Variants in EXOC4 observed in about 807,000 individuals in gnomAD.
EXOC4 encodes the protein exocyst complex component 4.
A neutral mutation model predicts 107.2 loss-of-function variants in EXOC4; 71 were observed. The ratio of observed to expected loss-of-function variants is 0.66; its 90% confidence interval spans 0.55 to 0.81. The LOEUF (loss-of-function observed/expected upper bound fraction) is 0.81, where lower values mean the gene tolerates loss of function less well. Ranked by LOEUF, EXOC4 falls within the 30% of genes least tolerant of loss-of-function variation. The pLI is 0.00. For missense variants in EXOC4, 1,108 were observed against 1,189.6 expected (o/e 0.93, Z 1.01); for synonymous variants, 456 against 441.2 (o/e 1.03, Z -0.42).
chr7:134,005,764 T>A (rs2116332236), intron 16 of EXOC4, among the ~76,000 whole-genome samples: 1 of 152,342 alleles, frequency 6.6e-6, no homozygotes, highest in Non-Finnish European at 1.5e-5. Flanking sequence ...AAAACTTGTA[T>A]CTGTGTTCTC....
At chr7:133,467,321 C>A (rs773108276) in intron 7 of EXOC4, among the ~76,000 whole-genome samples, 1 of 150,322 alleles carries the variant, frequency 6.7e-6, no homozygotes, top group African/African-American at 2.4e-5. Context: ...AATCTTATTG[C>A]CACTGCTTTA....
At chr7:133,595,464 G>A (rs934679261) in intron 9 of EXOC4, among the ~76,000 whole-genome samples, 8 of 152,128 alleles carry the variant, frequency 5.3e-5, no homozygotes, top group African/African-American at 1.9e-4. Flanking sequence ...CATTAGATTA[G>A]CATCTGCTTT....
intron 11 of EXOC4, among the ~76,000 whole-genome samples, chr7:133,840,638 A>G (rs1441506215): frequency 6.6e-6 from 1 of 151,898 alleles, no homozygotes; most frequent in Non-Finnish European, 1.5e-5. Context: ...ACGCTCCACC[A>G]CACCTGGCTA....
In EXOC4 at chr7:133,365,271, G is replaced by A. The variant is rs150036709; in HGVS notation, c.1007+8698G>A. ...ATATGCACCTAAAATCTTAACTTTTGTTATCCCTGGGAAGTGGATTTATGG... is the reference window on the plus strand; with the variant it reads ...ATATGCACCTAAAATCTTAACTTTTATTATCCCTGGGAAGTGGATTTATGG... On this transcript the variant is annotated intron_variant, in intron 6 of 17. Transcript: ENST00000253861. Among the ~76,000 whole-genome samples the A allele has an allele frequency of 5.3e-5, 8 of 152,202 alleles. No individual in the cohort carries two copies. The East Asian group carries it at 1.5e-3, about 29-fold the overall frequency.
intron 7 of EXOC4, among the ~76,000 whole-genome samples, chr7:133,386,505 T>A (rs1333294067): frequency 6.6e-6 from 1 of 152,218 alleles, no homozygotes; most frequent in Non-Finnish European, 1.5e-5. Context: ...GTCACTCCAC[T>A]GAGTACTGCA....
intron 7 of EXOC4, among the ~76,000 whole-genome samples, chr7:133,431,773 A>T (rs529526699): frequency 6.6e-6 from 1 of 152,300 alleles, no homozygotes; most frequent in Admixed American, 6.5e-5. Flanking sequence ...TGAAGTTGAG[A>T]ATCATTGTGC....
chr7:133,599,125 G>A (rs1244853590), intron 9 of EXOC4, among the ~76,000 whole-genome samples: 1 of 152,144 alleles, frequency 6.6e-6, no homozygotes, highest in African/African-American at 2.4e-5. Flanking sequence ...TAGGTTAAAT[G>A]AAAATATTAA....
At chr7:133,804,420 A>G (rs1181963291) in intron 10 of EXOC4, among the ~76,000 whole-genome samples, 5 of 152,176 alleles carry the variant, frequency 3.3e-5, no homozygotes, top group African/African-American at 1.2e-4. Context: ...ATCAAGTGAT[A>G]GTAAACTTAA....
chr7:133,916,273 C>T (rs1053135668), intron 12 of EXOC4, among the ~76,000 whole-genome samples: 3 of 152,196 alleles, frequency 2.0e-5, no homozygotes, highest in Admixed American at 6.5e-5. Flanking sequence ...CAGGTAGTAA[C>T]GCTCACTGGC....
At chr7:133,402,702 C>A (rs184334121) in intron 7 of EXOC4, among the ~76,000 whole-genome samples, 27 of 152,062 alleles carry the variant, frequency 1.8e-4, no homozygotes, top group African/African-American at 6.5e-4. Flanking sequence ...TGGGGTTTCA[C>A]CTTGTTGGCC....
At position 133,784,610 on chromosome 7, in the gene EXOC4, A is replaced by G. The variant is rs1188121871; in HGVS notation, c.1515-32715A>G. On this transcript the variant is annotated intron_variant, in intron 10 of 17. Coordinates refer to ENST00000253861, the MANE Select transcript of EXOC4 (RefSeq NM_021807.4). Reference sequence around the variant, plus strand: ...TCTAAAGAGTCTGTAATTAAATGACATCACTGAGTCTTAAATGCATCTGCT... The same window carrying G: ...TCTAAAGAGTCTGTAATTAAATGACGTCACTGAGTCTTAAATGCATCTGCT... 2.0e-5 allele frequency among the ~76,000 whole-genome samples: 3 copies of G among 152,242 alleles called. No homozygotes were observed. In the East Asian group the frequency reaches 5.8e-4, roughly 29 times the overall value.
chr7:134,083,274 A>T, the EXOC4 span, among the ~76,000 whole-genome samples: 3 of 152,158 alleles, frequency 2.0e-5, no homozygotes, highest in Non-Finnish European at 4.4e-5. Flanking sequence ...GAGGGGTTAT[A>T]TGGGCCCCAT....
rs73148924 is a variant in EXOC4, at chr7:133,320,495, C to T, written c.763+3105C>T. Among the ~76,000 whole-genome samples the T allele has an allele frequency of 7.9e-3, 1,206 of 152,060 alleles. 15 individuals carry two copies. The highest frequency in any genetic ancestry group is 0.012 in the Non-Finnish European group (825 of 68,016). On this transcript the variant is annotated intron_variant, in intron 5 of 17. Transcript: ENST00000253861. ...TGCCTCTTTCCTCTTTTTAAGGACT[C>T]GTGATTAGATTGATTCCACCTGGAT...
intron 13 of EXOC4, among the ~76,000 whole-genome samples, chr7:133,937,532 C>T (rs1800331345): frequency 6.6e-6 from 1 of 152,178 alleles, no homozygotes; most frequent in African/African-American, 2.4e-5. Context: ...ACATATTTAA[C>T]ACCCTAAGCT....
intron 6 of EXOC4, among the ~76,000 whole-genome samples, chr7:133,361,035 G>A (rs1287177513): frequency 6.6e-6 from 1 of 152,126 alleles, no homozygotes; most frequent in Non-Finnish European, 1.5e-5. Flanking sequence ...CCAGAATCTA[G>A]CACAGTGCCC....
intron 13 of EXOC4, among the ~76,000 whole-genome samples, chr7:133,923,574 T>G (rs891498264): frequency 6.6e-6 from 1 of 152,220 alleles, no homozygotes; most frequent in African/African-American, 2.4e-5. Context: ...TGTAACATAT[T>G]TGTTCAAATC....
chr7:133,257,742 G>C (rs61366880), intron 1 of EXOC4, among the ~76,000 whole-genome samples: 6,584 of 152,258 alleles, frequency 0.043, 499 homozygotes, highest in African/African-American at 0.15. Context: ...TGAAGGCAGT[G>C]GAAGGCTCAC....
At chr7:133,678,827 C>T (rs57597668) in intron 10 of EXOC4, among the ~76,000 whole-genome samples, 15,283 of 151,808 alleles carry the variant, frequency 0.1, 849 homozygotes, top group African/African-American at 0.14. Flanking sequence ...GCCATGTTGC[C>T]TAGGCTGGTC....
At chr7:133,625,153 A>G (rs1802424497) in intron 9 of EXOC4, among the ~76,000 whole-genome samples, 1 of 152,222 alleles carries the variant, frequency 6.6e-6, no homozygotes, top group South Asian at 2.1e-4. Flanking sequence ...AGTAACAAGA[A>G]CAACATTTTT....
Sources: gnomAD v4.1 joint callset for allele counts (sites outside exome capture counted in the v4.1 genomes callset) on GRCh38, gnomAD v4.1.1 for gene constraint, MANE v1.5 for transcripts, NCBI Gene and HGNC (gene_info 2026-07-23, HGNC 2026-07-21) for gene names.